Variants in CYTH3 observed in about 807,000 individuals in gnomAD.
CYTH3 encodes the protein cytohesin 3.
CYTH3 carries 23 observed loss-of-function variants against 55.1 expected under a neutral mutation model. The ratio of observed to expected loss-of-function variants is 0.42; its 90% CI spans 0.30 to 0.59. The LOEUF (loss-of-function observed/expected upper bound fraction) is 0.59, where lower values mean the gene tolerates loss of function less well. Ranked by LOEUF, CYTH3 falls within the 20% of genes least tolerant of loss-of-function variation. The pLI, the probability that CYTH3 is intolerant of heterozygous loss-of-function variation, is 0.20. For synonymous variants in CYTH3, 249 were observed against 194.9 expected (o/e 1.28, Z -2.31); for missense variants, 413 against 524.8 (o/e 0.79, Z 2.08).
At chr7:6,165,102 C>G in intron 12 of CYTH3, 86 bp from the exon 13 acceptor site, 1 of 1,585,662 alleles carries the variant, frequency 6.3e-7, no homozygotes, top group South Asian at 1.1e-5. Context: ...GCCCCTCAGA[C>G]AGGACCGCAG....
intron 1 of CYTH3, among the ~76,000 whole-genome samples, chr7:6,272,206 G>A (rs776103781): frequency 1.3e-5 from 2 of 151,590 alleles, no homozygotes; most frequent in Non-Finnish European, 2.9e-5. Context: ...CGAGACTCCG[G>A]GGCGACCCCA....
chr7:6,186,911 A>G (rs1250321080), intron 4 of CYTH3, 139 bp downstream of exon 4: 1 of 849,704 alleles, frequency 1.2e-6, no homozygotes, highest in African/African-American at 1.7e-5. Flanking sequence ...CCCCTTTTTG[A>G]TAAAAATGTG....
intron 1 of CYTH3, among the ~76,000 whole-genome samples, chr7:6,229,281 AT>A (rs1009280939): frequency 6.6e-6 from 1 of 152,202 alleles, no homozygotes; most frequent in African/African-American, 2.4e-5. Context: ...ATGACAAAAC[AT>A]TTGTTTCTAG....
chr7:6,174,531 C>T (rs2128538844), intron 5 of CYTH3, among the ~76,000 whole-genome samples: 1 of 146,634 alleles, frequency 6.8e-6, no homozygotes, highest in South Asian at 2.1e-4. Flanking sequence ...AATGGTATCT[C>T]CTTGTGGGTT....
intron 4 of CYTH3, among the ~76,000 whole-genome samples, chr7:6,179,983 C>T (rs930663043): frequency 1.4e-4 from 21 of 151,444 alleles, no homozygotes; most frequent in Non-Finnish European, 2.7e-4. Flanking sequence ...AGGCCTAATG[C>T]AGCCCAAGTT....
At chr7:6,195,001 A>T (rs1002417433) in intron 1 of CYTH3, among the ~76,000 whole-genome samples, 7 of 152,042 alleles carry the variant, frequency 4.6e-5, no homozygotes, top group East Asian at 1.9e-4. Context: ...AAATAATTTT[A>T]AAAAAAGAAA....
chr7:6,203,758 G>A lies in CYTH3; in HGVS notation c.35-13227C>T, dbSNP rs919778067. Among the ~76,000 whole-genome samples the A allele has an allele frequency of 1.0e-4, 15 of 149,982 alleles. No individual in the cohort carries two copies. The South Asian group carries it at 2.3e-3, about 23-fold the overall frequency. On this transcript the variant is annotated intron_variant, in intron 1 of 12. Coordinates refer to ENST00000350796, the MANE Select transcript of CYTH3 (RefSeq NM_004227.4). ...TTTGGAGACAGAGTCTCGCTCTGTC[G>A]CCCAGGCTGGAATGCAATGGCCCAA...
Position 6,176,254 on chromosome 7 carries a change from A to ATTTTTT in CYTH3, c.368+1563_368+1568dup, listed in dbSNP as rs776819156. On this transcript the variant is annotated intron_variant, in intron 5 of 12. Coordinates refer to ENST00000350796, the MANE Select transcript of CYTH3 (RefSeq NM_004227.4). ...TTGCTATTGTATAGAAATACAATTG[A>ATTTTTT]TTTTTTTTTTTTTTTTTTTTTTTTT... 8.6e-4 allele frequency among the ~76,000 whole-genome samples: 71 copies of ATTTTTT among 82,898 alleles called. 1 individual carries two copies. Among genetic ancestry groups the ATTTTTT allele is most frequent in the East Asian group, 1.3e-3 (3 of 2,234 alleles). 54.4% of individuals were successfully genotyped at this position (82,898 alleles called of 152,430 possible). A position where few individuals can be genotyped will look rare whatever the true frequency, so the allele number is the denominator to read the frequency against.
chr7:6,222,815 T>C (rs1370417358), intron 1 of CYTH3, among the ~76,000 whole-genome samples: 2 of 151,336 alleles, frequency 1.3e-5, no homozygotes, highest in Non-Finnish European at 2.9e-5. Context: ...CCATTATACA[T>C]TATTATAAAG....
intron 1 of CYTH3, among the ~76,000 whole-genome samples, chr7:6,262,258 C>T (rs1780371694): frequency 6.6e-6 from 1 of 152,098 alleles, no homozygotes; most frequent in Non-Finnish European, 1.5e-5. Context: ...GGAGATGAGA[C>T]AGGAAATGCA....
chr7:6,168,498 G>C (rs967650439), intron 9 of CYTH3, among the ~76,000 whole-genome samples: 1 of 152,022 alleles, frequency 6.6e-6, no homozygotes, highest in Non-Finnish European at 1.5e-5. Flanking sequence ...CTTTGGTCTC[G>C]AACTTTGTTT....
intron 1 of CYTH3, among the ~76,000 whole-genome samples, chr7:6,226,852 G>A (rs1190968271): frequency 1.3e-5 from 2 of 152,076 alleles, no homozygotes; most frequent in African/African-American, 4.8e-5. Context: ...AGGCCAAGGT[G>A]GGCGGATCAC....
At chr7:6,255,236 T>G (rs1366013967) in intron 1 of CYTH3, among the ~76,000 whole-genome samples, 1 of 152,210 alleles carries the variant, frequency 6.6e-6, no homozygotes, top group Non-Finnish European at 1.5e-5. Flanking sequence ...TACCAAATAT[T>G]TGTCAACACC....
At chr7:6,269,624 A>T (rs937681534) in intron 1 of CYTH3, among the ~76,000 whole-genome samples, 2 of 152,132 alleles carry the variant, frequency 1.3e-5, no homozygotes, top group African/African-American at 4.8e-5. Context: ...ACTGAAAGGC[A>T]ACAAAGTCCC....
At chr7:6,251,434 G>C (rs1779961358) in intron 1 of CYTH3, among the ~76,000 whole-genome samples, 1 of 151,712 alleles carries the variant, frequency 6.6e-6, no homozygotes, top group African/African-American at 2.4e-5. Context: ...TTCAGTGGGA[G>C]GCAGAAAATC....
At chr7:6,263,435 G>C (rs1780405889) in intron 1 of CYTH3, among the ~76,000 whole-genome samples, 1 of 152,138 alleles carries the variant, frequency 6.6e-6, no homozygotes, top group African/African-American at 2.4e-5. Context: ...ATTTGTGAGG[G>C]GAGAGAAGAC....
At chr7:6,257,181 T>C (rs1263995413) in intron 1 of CYTH3, among the ~76,000 whole-genome samples, 1 of 152,182 alleles carries the variant, frequency 6.6e-6, no homozygotes, top group African/African-American at 2.4e-5. Context: ...AGTGTGGTCA[T>C]ATACTGAATC....
At chr7:6,226,266 C>T (rs1406651182) in intron 1 of CYTH3, among the ~76,000 whole-genome samples, 1 of 152,204 alleles carries the variant, frequency 6.6e-6, no homozygotes, top group Non-Finnish European at 1.5e-5. Context: ...CCCTGCAATG[C>T]TTTGATTAGA....
intron 1 of CYTH3, among the ~76,000 whole-genome samples, chr7:6,228,439 G>T (rs926062343): frequency 2.6e-5 from 4 of 152,200 alleles, no homozygotes; most frequent in African/African-American, 9.6e-5. Flanking sequence ...GGAGGGGTTG[G>T]AAAGAAGTCT....
Sources: gnomAD v4.1 joint callset for allele counts (sites outside exome capture counted in the v4.1 genomes callset) on GRCh38, gnomAD v4.1.1 for gene constraint, MANE v1.5 for transcripts, NCBI Gene and HGNC (gene_info 2026-07-23, HGNC 2026-07-21) for gene names.